The following SPEG variants were observed in gnomAD, a reference collection of about 807,000 sequenced individuals.
SPEG encodes the protein striated muscle preferentially expressed protein kinase.
In SPEG, 114 loss-of-function variants were observed where a neutral mutation model predicts 300.4. The observed-to-expected ratio is 0.38, with a 90% CI of 0.33 to 0.44. SPEG has a LOEUF of 0.44. Among genes scored for constraint, SPEG ranks in the 20% least tolerant of loss-of-function variants. The probability of loss-of-function intolerance (pLI) is 1.00; values close to 1 mark genes in which losing one functional copy is unlikely to be tolerated. For missense variants in SPEG, 4,201 were observed against 4,586.2 expected (o/e 0.92, Z 2.43); for synonymous variants, 1,964 against 2,018.9 (o/e 0.97, Z 0.73).
chr2:219,476,851 C>T lies in SPEG; in HGVS notation c.4448-19C>T. 1 of 1,602,270 alleles carries T rather than the reference C, an allele frequency of 6.2e-7. No individual in the cohort carries two copies. The highest frequency in any genetic ancestry group is 8.5e-7 in the Non-Finnish European group (1 of 1,169,716). On this transcript the variant is annotated intron_variant, in intron 18 of 40. Transcript: ENST00000312358. ...CCCCTAGCCCCTTCTCTTCCCACCC[C>T]TATCCCCATGTGTTTCAGAGGCCCC...
At position 219,468,845 on chromosome 2, in the gene SPEG, C is replaced by T; in HGVS notation, c.3302-14C>T. Reference sequence around the variant, plus strand: ...ACTGTGCCTGCTCTGCATTCCCACCCCTCCTTTCTGCAGGCTGCCCCATGG... The same window carrying T: ...ACTGTGCCTGCTCTGCATTCCCACCTCTCCTTTCTGCAGGCTGCCCCATGG... On this transcript the variant is annotated splice_polypyrimidine_tract_variant and intron_variant, in intron 11 of 40. Transcript: ENST00000312358. The T allele has an allele frequency of 6.2e-7, 1 of 1,609,772 alleles. No homozygotes were observed. Among genetic ancestry groups the T allele is most frequent in the Non-Finnish European group, 8.5e-7 (1 of 1,177,400 alleles).
chr2:219,473,344 C>T lies in SPEG; in HGVS notation c.4148-160C>T. 1 of 818,960 alleles carries T rather than the reference C, an allele frequency of 1.2e-6. No individual in the cohort carries two copies. Among genetic ancestry groups the T allele is most frequent in the East Asian group, 2.7e-5 (1 of 37,350 alleles). 50.7% of individuals were successfully genotyped at this position (818,960 alleles called of 1,614,324 possible). ...CCCACAACCTCAGCTTTGCTGCTCT[C>T]TGGCTGTGTTCCCCTGACAAATCGC... On this transcript the variant is annotated intron_variant, in intron 16 of 40. Coordinates refer to ENST00000312358, the MANE Select transcript of SPEG (RefSeq NM_005876.5). This position sits in a 1 kb window ranked among gnomAD's most constrained non-coding sequence, Gnocchi z 4.6.
Position 219,434,993 on chromosome 2 carries a change from G to C in SPEG, c.16G>C (p.Gly6Arg). 3 of 1,505,700 alleles carry C rather than the reference G, an allele frequency of 2.0e-6. No homozygotes were observed. Among genetic ancestry groups the C allele is most frequent in the Non-Finnish European group, 2.6e-6 (3 of 1,134,960 alleles). 93.3% of individuals were successfully genotyped at this position (1,505,700 alleles called of 1,614,324 possible). A position where few individuals can be genotyped will look rare whatever the true frequency, so the allele number is the denominator to read the frequency against. Residue 6 changes from glycine to arginine, a missense_variant, in exon 1 of 41, where the codon GGC becomes CGC. Physicochemically the swap from Gly to Arg is moderately radical, Grantham distance 125. Around this residue, in one of 4 missense-constraint regions of SPEG, gnomAD observed 1,258 missense variants for 1,293.9 expected, o/e 0.97. Transcript: ENST00000312358. ...CTCAGTGGCCATGCAGAAAGCCCGG[G>C]GCACGCGAGGCGAGGATGCGGGCAC... Reference protein sequence around the residue: MQKARGTRGEDAGTRA... With the variant: MQKARRTRGEDAGTRA...
rs62191888 is a variant in SPEG at position 219,488,718 on chromosome 2, G to T, written c.8026+53G>T. 538,399 of 1,609,636 alleles carry T rather than the reference G, an allele frequency of 0.33. 91,763 individuals are homozygous for T. Among genetic ancestry groups the T allele is most frequent in the South Asian group, 0.49 (44,044 of 90,774 alleles). On this transcript the variant is annotated intron_variant, in intron 33 of 40. Transcript: ENST00000312358. ...GTAGTGATGGGGATGGTGGGACAGG[G>T]CTTGAGGGGTTCTTAGCTAGGGTAT...
In SPEG at chr2:219,445,223, C is replaced by T. The variant is rs1689193736; in HGVS notation, c.815+62C>T. 1 of 1,440,604 alleles carries T rather than the reference C, an allele frequency of 6.9e-7. No homozygotes were observed. The highest frequency in any genetic ancestry group is 9.5e-7 in the Non-Finnish European group (1 of 1,048,268). 89.2% of individuals were successfully genotyped at this position (1,440,604 alleles called of 1,614,324 possible). A position where few individuals can be genotyped will look rare whatever the true frequency, so the allele number is the denominator to read the frequency against. On this transcript the variant is annotated intron_variant, in intron 3 of 40. Coordinates refer to ENST00000312358, the MANE Select transcript of SPEG (RefSeq NM_005876.5). The surrounding 1 kb of genome is among the most constrained non-coding windows in gnomAD (Gnocchi z 6.1). The stretch of plus-strand genomic sequence containing the variant: ...TCTCACCACGCTGTCCTGCGCTGCC[C>T]TCACTGCTCAGTCAGCCTCCACCCA...
At chr2:219,442,778 C>T (rs1369384315) in intron 1 of SPEG, among the ~76,000 whole-genome samples, 1 of 148,540 alleles carries the variant, frequency 6.7e-6, no homozygotes. Context: ...CTCTTTCTCT[C>T]GGGCTGTTGC....
Position 219,483,820 on chromosome 2 carries a change from A to G in SPEG, c.6357A>G (p.Pro2119=), listed in dbSNP as rs1693099121. Residue 2119 remains proline (P), a synonymous_variant, in exon 30 of 41, where the codon CCA becomes CCG. Coordinates refer to ENST00000312358, the MANE Select transcript of SPEG (RefSeq NM_005876.5). ...SSEAAPHHQP[P]LENRGLQKSS... ...AGGCAGCGCCCCACCACCAGCCCCC[A>G]CTCGAGAACCGGGGCCTGCAAAAGA... 1.3e-6 allele frequency: 2 copies of G among 1,579,478 alleles called. No homozygotes were observed. Among genetic ancestry groups the G allele is most frequent in the African/African-American group, 1.3e-5 (1 of 74,170 alleles).
In SPEG at chr2:219,492,887, G is replaced by C. The variant is rs557444385; in HGVS notation, c.*101G>C. The C allele has an allele frequency of 4.4e-5, 52 of 1,193,700 alleles. 1 individual carries two copies. In the South Asian group the frequency reaches 6.6e-4, roughly 15 times the overall value. 73.9% of individuals were successfully genotyped at this position (1,193,700 alleles called of 1,614,324 possible). ...CTGAGCCAGGCGGGCCTGGGGCTTC[G>C]GTTACCACCAGCAGCAACATCTGGC... is the stretch of plus-strand genomic sequence containing the variant. On this transcript the variant is annotated 3_prime_UTR_variant, in exon 41 of 41. Coordinates refer to ENST00000312358, the MANE Select transcript of SPEG (RefSeq NM_005876.5).
rs1420764025 is a variant in SPEG, at chr2:219,483,913, G to C, written c.6450G>C (p.Glu2150Asp). Reference sequence around the variant, plus strand: ...ACCGCCGAGCGGGGGCGCCCCTCGAGATCCCCGTGGCCAGGCTTGGGGCCC... The same window carrying C: ...ACCGCCGAGCGGGGGCGCCCCTCGACATCCCCGTGGCCAGGCTTGGGGCCC... ...GRHRRAGAPL[E>D]IPVARLGARR... Residue 2150 changes from glutamate to aspartate, a missense_variant, in exon 30 of 41, where the codon GAG becomes GAC. Coordinates refer to ENST00000312358, the MANE Select transcript of SPEG (RefSeq NM_005876.5). 5.0e-6 allele frequency: 8 copies of C among 1,603,146 alleles called. No homozygotes were observed. The highest frequency in any genetic ancestry group is 6.8e-6 in the Non-Finnish European group (8 of 1,179,242).
rs2125516627 is a variant in SPEG at position 219,477,328 on chromosome 2, A to G, written c.4612A>G (p.Asn1538Asp). 6.2e-7 allele frequency: 1 copy of G among 1,613,434 alleles called. No homozygotes were observed. The highest frequency in any genetic ancestry group is 2.2e-5 in the East Asian group (1 of 44,842). The change falls in exon 20 of 41, where the codon AAT becomes GAT. Residue 1538 changes from asparagine to aspartate, a missense_variant. By Grantham distance (23) the Asn-to-Asp change is conservative. Coordinates refer to ENST00000312358, the MANE Select transcript of SPEG (RefSeq NM_005876.5). The surrounding 1 kb of genome is among the most constrained non-coding windows in gnomAD (Gnocchi z 6.4). Reference protein sequence around the residue: ...SSHVSFVYEENECSLVVLSTG... With the variant: ...SSHVSFVYEEDECSLVVLSTG... ...CCATGTGAGCTTCGTGTACGAGGAG[A>G]ATGAGTGCTCCCTGGTGGTGCTCAG... is the stretch of plus-strand genomic sequence containing the variant.
rs1376933453 is a variant in SPEG at position 219,478,011 on chromosome 2, G to A, written c.4933G>A (p.Glu1645Lys). 3 of 1,614,192 alleles carry A rather than the reference G, an allele frequency of 1.9e-6. No individual in the cohort carries two copies. Among genetic ancestry groups the A allele is most frequent in the Admixed American group, 1.7e-5 (1 of 60,036 alleles). Residue 1645 changes from glutamate (E) to lysine (K), a missense_variant, in exon 22 of 41, where the codon GAG becomes AAG. By Grantham distance (56) the Glu-to-Lys change is moderately conservative (BLOSUM62 1). Coordinates refer to ENST00000312358, the MANE Select transcript of SPEG (RefSeq NM_005876.5). Reference protein sequence around the residue: ...QAKPKASARREARLLARLQHD... With the variant: ...QAKPKASARRKARLLARLQHD... Reference sequence around the variant, plus strand: ...CAAGCCAAAGGCATCAGCGCGTCGGGAGGCCCGGCTGCTGGCCAGGCTCCA... The same window carrying A: ...CAAGCCAAAGGCATCAGCGCGTCGGAAGGCCCGGCTGCTGGCCAGGCTCCA...
chr2:219,473,916 G>C lies in SPEG; in HGVS notation c.4447+13G>C, dbSNP rs751136267. On this transcript the variant is annotated intron_variant, in intron 18 of 40. Transcript: ENST00000312358. The surrounding 1 kb of genome is among the most constrained non-coding windows in gnomAD (Gnocchi z 4.6). Reference sequence around the variant, plus strand: ...TTGGAGCTGGCAGGTGGGTGACAGCGGGCCTTCTTCCTAGCCTCCCTCCAA... The same window carrying C: ...TTGGAGCTGGCAGGTGGGTGACAGCCGGCCTTCTTCCTAGCCTCCCTCCAA... 1 of 1,596,958 alleles carries C rather than the reference G, an allele frequency of 6.3e-7. No homozygotes were observed.
In SPEG at chr2:219,472,884, C is replaced by G. The variant is rs377296068; in HGVS notation, c.3941-6C>G. 6.4e-6 allele frequency: 10 copies of G among 1,570,828 alleles called. No individual in the cohort carries two copies. Among genetic ancestry groups the G allele is most frequent in the Non-Finnish European group, 8.7e-6 (10 of 1,154,856 alleles). ...CAGCAGCCTCTAGTAGCTCCTCTCC[C>G]GCCAGACCCGGACTCCCTGACGTAC... is the stretch of plus-strand genomic sequence containing the variant. On this transcript the variant is annotated splice_region_variant and splice_polypyrimidine_tract_variant and intron_variant, in intron 15 of 40. Coordinates refer to ENST00000312358, the MANE Select transcript of SPEG (RefSeq NM_005876.5).
At chr2:219,460,366 G>A (rs1001759004) in intron 6 of SPEG, 23 of 985,432 alleles carry the variant, frequency 2.3e-5, no homozygotes, top group East Asian at 1.1e-4. Context: ...CGCATTCCCC[G>A]GTCAGGGATC....
rs937752048 is a variant in SPEG, at chr2:219,442,329, C to T, written c.389-2324C>T. Among the ~76,000 whole-genome samples, 2 of 151,980 alleles carry T rather than the reference C, an allele frequency of 1.3e-5. 1 individual carries two copies. Among genetic ancestry groups the T allele is most frequent in the South Asian group, 4.2e-4 (2 of 4,818 alleles). Reference sequence around the variant, plus strand: ...CCGCTCCCCGATCGCCCGCAATCCCCGCGACCACCGGGGAAGGCCCCCGCT... The same window carrying T: ...CCGCTCCCCGATCGCCCGCAATCCCTGCGACCACCGGGGAAGGCCCCCGCT... On this transcript the variant is annotated intron_variant, in intron 1 of 40. Coordinates refer to ENST00000312358, the MANE Select transcript of SPEG (RefSeq NM_005876.5).
Position 219,434,852 on chromosome 2 carries a change from C to G in SPEG, c.-126C>G. The G allele has an allele frequency of 1.6e-6, 1 of 629,252 alleles. No individual in the cohort carries two copies. The highest frequency in any genetic ancestry group is 2.5e-6 in the Non-Finnish European group (1 of 392,910). 39.0% of individuals were successfully genotyped at this position (629,252 alleles called of 1,614,324 possible). On this transcript the variant is annotated 5_prime_UTR_variant, in exon 1 of 41. Transcript: ENST00000312358. ...CGGTGACCTTCTGGGTAGCACAGGCCGAAGGCGGGCGGGCAGCAGGAAGGC... is the reference window on the plus strand; with the variant it reads ...CGGTGACCTTCTGGGTAGCACAGGCGGAAGGCGGGCGGGCAGCAGGAAGGC...
chr2:219,489,490 C>T lies in SPEG; in HGVS notation c.8472C>T (p.Pro2824=). Residue 2824 remains proline (P), a synonymous_variant, in exon 36 of 41, where the codon CCC becomes CCT. Transcript: ENST00000312358. ...PPSVTVSPSS[P]PTPPSQALSS... ...CAGTCACTGTCAGCCCCTCATCTCC[C>T]CCCACACCTCCTAGCCAGGCCTTGT... The T allele has an allele frequency of 6.2e-7, 1 of 1,611,938 alleles. No homozygotes were observed. Among genetic ancestry groups the T allele is most frequent in the Non-Finnish European group, 8.5e-7 (1 of 1,178,722 alleles).
At chr2:219,467,459 C>T (rs777152216) in intron 10 of SPEG, 25 bp downstream of exon 10, 3 of 1,580,562 alleles carry the variant, frequency 1.9e-6, no homozygotes, top group Middle Eastern at 1.7e-4. Flanking sequence ...AGGCATTGGG[C>T]TGCCGTGGGT....
intron 1 of SPEG, among the ~76,000 whole-genome samples, chr2:219,441,106 T>C (rs1320240720): frequency 6.6e-6 from 1 of 152,178 alleles, no homozygotes; most frequent in Non-Finnish European, 1.5e-5. Flanking sequence ...GCCTGGCACT[T>C]AGTAACTGCT....
Sources: allele counts gnomAD v4.1 joint callset (sites outside exome capture counted in the v4.1 genomes callset), GRCh38; gene constraint gnomAD v4.1.1; regional missense constraint gnomAD v4.1.1; non-coding constraint Gnocchi (gnomAD v3.1); transcripts MANE v1.5; gene names NCBI Gene and HGNC (gene_info 2026-07-23, HGNC 2026-07-21).